Variants in GALNT3 observed in about 807,000 individuals in gnomAD.
GALNT3 encodes the protein polypeptide N-acetylgalactosaminyltransferase 3, also known as GalNAc transferase 3.
Under a neutral mutation model 69.8 loss-of-function variants are expected in GALNT3, and 51 were observed. The ratio of observed to expected loss-of-function variants is 0.73; its 90% CI spans 0.58 to 0.92. The LOEUF is 0.92. Among genes scored for constraint, GALNT3 ranks in the 40% least tolerant of loss-of-function variants. The pLI is 0.00. For missense variants in GALNT3, 711 were observed against 760.0 expected (o/e 0.94, Z 0.76); for synonymous variants, 265 against 248.5 (o/e 1.07, Z -0.63).
Position 165,759,601 on chromosome 2 carries a change from T to C in GALNT3, c.839-31A>G, listed in dbSNP as rs192635857. 3.7e-4 allele frequency: 573 copies of C among 1,535,992 alleles called. No individual in the cohort carries two copies. In the African/African-American group the frequency reaches 7.3e-3, roughly 19 times the overall value. On this transcript the variant is annotated intron_variant, in intron 4 of 10. Transcript: ENST00000392701. The stretch of plus-strand genomic sequence containing the variant: ...GGGAACAGAATTTTAATTAATTCAA[T>C]AAAAACATTGAAGTTTTTTTCTTTA...
Position 165,770,493 on chromosome 2 carries a change from C to T in GALNT3, c.208G>A (p.Val70Ile). 5.0e-6 allele frequency: 8 copies of T among 1,614,192 alleles called. No individual in the cohort carries two copies. In the South Asian group the frequency reaches 6.6e-5, roughly 13 times the overall value. The stretch of plus-strand genomic sequence containing the variant: ...GGCATGGCATCCTTAATATTGTTTA[C>T]AGCTTCTAGCATTAAATCCAACATC... ...NKMLDLMLEA[V>I]NNIKDAMPKM... The change falls in exon 2 of 11, where the codon GTA becomes ATA. Residue 70 changes from valine to isoleucine, a missense_variant. Transcript: ENST00000392701.
chr2:165,760,724 T>C (rs1479338244), intron 4 of GALNT3, among the ~76,000 whole-genome samples: 1 of 152,172 alleles, frequency 6.6e-6, no homozygotes, highest in East Asian at 1.9e-4. Context: ...TAATAATCGG[T>C]GTGTGCTCAA....
At chr2:165,773,041 G>A (rs1688780669) in intron 1 of GALNT3, among the ~76,000 whole-genome samples, 2 of 152,132 alleles carry the variant, frequency 1.3e-5, no homozygotes, top group Non-Finnish European at 1.5e-5. Flanking sequence ...AGGATGGAGT[G>A]GAATGATTTC....
intron 1 of GALNT3, among the ~76,000 whole-genome samples, chr2:165,784,594 G>A (rs1006092869): frequency 7.2e-5 from 11 of 152,128 alleles, no homozygotes; most frequent in African/African-American, 1.4e-4. Flanking sequence ...CCAGCTACTC[G>A]GGAGGCTGAG....
In GALNT3 at chr2:165,748,409, T is replaced by A. The variant is rs898862052; in HGVS notation, c.*372A>T. On this transcript the variant is annotated 3_prime_UTR_variant, in exon 11 of 11. Transcript: ENST00000392701. ...ATACAGTAACAAATCTTTCTTCCTA[T>A]CCCCCCAAAAAACTAGGGGAAATAT... 13 of 277,568 alleles carry A rather than the reference T, an allele frequency of 4.7e-5. No homozygotes were observed. Among genetic ancestry groups the A allele is most frequent in the Non-Finnish European group, 8.2e-5 (12 of 145,816 alleles). 17.2% of individuals were successfully genotyped at this position (277,568 alleles called of 1,614,324 possible). A position where few individuals can be genotyped will look rare whatever the true frequency, so the allele number is the denominator to read the frequency against.
At chr2:165,769,353 C>T (rs1248009408) in intron 2 of GALNT3, among the ~76,000 whole-genome samples, 1 of 147,778 alleles carries the variant, frequency 6.8e-6, no homozygotes, top group East Asian at 2.0e-4. Context: ...TTGCAGTGAG[C>T]CGAGATCACA....
rs994604367 is a variant in GALNT3 at position 165,749,619 on chromosome 2, G to A, written c.1779+123C>T. On this transcript the variant is annotated intron_variant, in intron 10 of 10. Coordinates refer to ENST00000392701, the MANE Select transcript of GALNT3 (RefSeq NM_004482.4). ...ATGGGTAGAAACACATAATAACAAAGTTAATAAAGGGAGAGAAATTCTGAT... is the reference window on the plus strand; with the variant it reads ...ATGGGTAGAAACACATAATAACAAAATTAATAAAGGGAGAGAAATTCTGAT... 4 of 901,162 alleles carry A rather than the reference G, an allele frequency of 4.4e-6. No individual in the cohort carries two copies. In the African/African-American group the frequency reaches 4.9e-5, roughly 11 times the overall value. 55.8% of individuals were successfully genotyped at this position (901,162 alleles called of 1,614,324 possible). A position where few individuals can be genotyped will look rare whatever the true frequency, so the allele number is the denominator to read the frequency against.
At chr2:165,764,007 C>T (rs532751741) in intron 3 of GALNT3, among the ~76,000 whole-genome samples, 1 of 152,222 alleles carries the variant, frequency 6.6e-6, no homozygotes, top group African/African-American at 2.4e-5. Flanking sequence ...TAACTCCAAA[C>T]TTGGATTTAT....
Position 165,770,404 on chromosome 2 carries a change from T to C in GALNT3, c.297A>G (p.Gln99=). ...TCAATTCTGCTGCTGTATAATATCCTTGCAAACAAGGTCTCTCACCAGCAT... is the reference window on the plus strand; with the variant it reads ...TCAATTCTGCTGCTGTATAATATCCCTGCAAACAAGGTCTCTCACCAGCAT... ...NIDAGERPCL[Q]GYYTAAELKP... is the part of the protein sequence containing the mutation. The change falls in exon 2 of 11, where the codon CAA becomes CAG. Residue 99 remains glutamine (Q), a synonymous_variant. Transcript: ENST00000392701. 4 of 1,614,258 alleles carry C rather than the reference T, an allele frequency of 2.5e-6. No individual in the cohort carries two copies. Among genetic ancestry groups the C allele is most frequent in the Admixed American group, 1.7e-5 (1 of 60,028 alleles).
chr2:165,751,420 G>A (rs1305298575), intron 9 of GALNT3, among the ~76,000 whole-genome samples: 1 of 152,068 alleles, frequency 6.6e-6, no homozygotes, highest in Non-Finnish European at 1.5e-5. Flanking sequence ...GGAAACACAG[G>A]AAGAAACTGA....
intron 1 of GALNT3, among the ~76,000 whole-genome samples, chr2:165,774,062 A>C (rs1345962626): frequency 6.6e-6 from 1 of 152,152 alleles, no homozygotes; most frequent in Non-Finnish European, 1.5e-5. Context: ...CAGCAACCTC[A>C]CCTATGGGGT....
Position 165,759,347 on chromosome 2 carries a change from G to A in GALNT3, c.1062C>T (p.Thr354=), listed in dbSNP as rs1688501656. ...AGCAATCATCTTACTTAATTGGGTA[G>A]GTTTCATCTTTCCTTCTTTGCTTCT... The part of the protein sequence containing the change: ...DHEKQRRKDE[T]YPIKTPTFAG... Residue 354 remains threonine, a synonymous_variant, in exon 5 of 11, where the codon ACC becomes ACT. Coordinates refer to ENST00000392701, the MANE Select transcript of GALNT3 (RefSeq NM_004482.4). 1.2e-6 allele frequency: 2 copies of A among 1,612,834 alleles called. No individual in the cohort carries two copies. Among genetic ancestry groups the A allele is most frequent in the Middle Eastern group, 3.3e-4 (2 of 6,060 alleles).
In GALNT3 at chr2:165,754,680, G is replaced by A; in HGVS notation, c.1573C>T (p.Gln525Ter). The A allele has an allele frequency of 6.2e-7, 1 of 1,613,466 alleles. No individual in the cohort carries two copies. The highest frequency in any genetic ancestry group is 8.5e-7 in the Non-Finnish European group (1 of 1,179,732). ...TACATAATTAATGGTTTGCCTCCTT[G>A]ATTGTTTTCTCCAACATCCAGACAT... ...PLCLDVGENN[Q>*]GGKPLIMYTC... is the part of the protein sequence containing the mutation. The change falls in exon 9 of 11, where the codon CAA becomes TAA. Residue 525 changes from glutamine to a stop codon, truncating the protein, a stop_gained. Coordinates refer to ENST00000392701, the MANE Select transcript of GALNT3 (RefSeq NM_004482.4). LOFTEE classifies it high-confidence loss of function.
chr2:165,762,511 A>G (rs1688569779), intron 3 of GALNT3, among the ~76,000 whole-genome samples: 1 of 152,222 alleles, frequency 6.6e-6, no homozygotes, highest in Non-Finnish European at 1.5e-5. Context: ...CTGATATTTA[A>G]GCAAGGATCA....
intron 2 of GALNT3, among the ~76,000 whole-genome samples, chr2:165,768,887 C>G (rs1688696714): frequency 6.6e-6 from 1 of 151,004 alleles, no homozygotes; most frequent in South Asian, 2.1e-4. Context: ...CCTCTGCCCC[C>G]AGGTTCAAGC....
chr2:165,793,236 T>C (rs1465069239), intron 1 of GALNT3, among the ~76,000 whole-genome samples: 1 of 152,188 alleles, frequency 6.6e-6, no homozygotes, highest in Non-Finnish European at 1.5e-5. Context: ...TTGAGTCATA[T>C]GCCACAGGCA....
chr2:165,785,639 C>T (rs111554792), intron 1 of GALNT3, among the ~76,000 whole-genome samples: 1,779 of 152,278 alleles, frequency 0.012, 35 homozygotes, highest in African/African-American at 0.041. Context: ...CATTTTCCAG[C>T]AAGCTAGTGG....
At chr2:165,753,727 T>C (rs1573995745) in intron 9 of GALNT3, among the ~76,000 whole-genome samples, 1 of 152,172 alleles carries the variant, frequency 6.6e-6, no homozygotes, top group South Asian at 2.1e-4. Context: ...TCTCTACCCA[T>C]AGGCAAGTAA....
rs1465771970 is a variant in GALNT3 at position 165,757,062 on chromosome 2, T to G, written c.1377A>C (p.Ala459=). 2 of 1,613,298 alleles carry G rather than the reference T, an allele frequency of 1.2e-6. No homozygotes were observed. Among genetic ancestry groups the G allele is most frequent in the Non-Finnish European group, 1.7e-6 (2 of 1,179,322 alleles). The change falls in exon 7 of 11, where the codon GCA becomes GCC. Residue 459 remains alanine, a synonymous_variant. Transcript: ENST00000392701. ...EIFYRRNTDA[A]KIVKQKAFGD... The stretch of plus-strand genomic sequence containing the variant: ...TTTAACTTACTTGTTTAACAATTTT[T>G]GCTGCATCTGTATTTCTCCTATAAA...
Sources: allele counts gnomAD v4.1 joint callset (sites outside exome capture counted in the v4.1 genomes callset), GRCh38; gene constraint gnomAD v4.1.1; transcripts MANE v1.5; gene names NCBI Gene and HGNC (gene_info 2026-07-23, HGNC 2026-07-21).